The following ZBTB46 variants were observed in gnomAD, a reference collection of about 807,000 sequenced individuals.
ZBTB46 encodes zinc finger and BTB domain-containing protein 46.
In ZBTB46, 8 loss-of-function variants were observed where a neutral mutation model predicts 44.1. The observed-to-expected ratio is 0.18, with a 90% CI of 0.11 to 0.33. ZBTB46 has a LOEUF of 0.33. Ranked by LOEUF, ZBTB46 falls within the 10% of genes least tolerant of loss-of-function variation. The pLI is 1.00. For missense variants in ZBTB46, 651 were observed against 847.7 expected (o/e 0.77, Z 2.88); for synonymous variants, 409 against 382.3 (o/e 1.07, Z -0.81).
intron 1 of ZBTB46, among the ~76,000 whole-genome samples, chr20:63,824,013 A>G (rs2092807090): frequency 6.6e-6 from 1 of 152,108 alleles, no homozygotes; most frequent in African/African-American, 2.4e-5. Context: ...TGCAGAGAGG[A>G]GGCTGTAGGC....
chr20:63,779,542 C>T (rs2092452544), intron 2 of ZBTB46, among the ~76,000 whole-genome samples: 1 of 151,372 alleles, frequency 6.6e-6, no homozygotes, highest in African/African-American at 2.4e-5. Context: ...GCCTCAGCCT[C>T]CTGAGTAGCT....
At chr20:63,777,333 G>A (rs1245049362) in intron 2 of ZBTB46, among the ~76,000 whole-genome samples, 1 of 152,194 alleles carries the variant, frequency 6.6e-6, no homozygotes, top group Non-Finnish European at 1.5e-5. Context: ...TGAGTGTGGT[G>A]GGTTGTGCCT....
At position 63,743,909 on chromosome 20, in the gene ZBTB46, A is replaced by G. The variant is rs753284696; in HGVS notation, c.*3021T>C. 6.6e-5 allele frequency: 10 copies of G among 152,656 alleles called. No homozygotes were observed. Among genetic ancestry groups the G allele is most frequent in the Non-Finnish European group, 1.3e-4 (9 of 68,038 alleles). The allele number at this position is 152,656 out of a possible 1,614,324, so 9.5% of individuals were successfully genotyped here. On this transcript the variant is annotated 3_prime_UTR_variant, in exon 5 of 5. Coordinates refer to ENST00000245663, the MANE Select transcript of ZBTB46 (RefSeq NM_001369741.1). ...ATCTCCAATACAAACACAGGTTTAT[A>G]ATAAGTAATAGGAAGTCAATATAAT...
chr20:63,792,297 C>G (rs2145937394), intron 1 of ZBTB46, among the ~76,000 whole-genome samples: 1 of 152,348 alleles, frequency 6.6e-6, no homozygotes, highest in Non-Finnish European at 1.5e-5. Flanking sequence ...ACCCCATTCT[C>G]CAGCTGATAA....
chr20:63,776,753 G>A lies in ZBTB46; in HGVS notation c.938-791C>T, dbSNP rs1188442206. Among the ~76,000 whole-genome samples the A allele has an allele frequency of 4.7e-5, 7 of 148,846 alleles. No homozygotes were observed. In the South Asian group the frequency reaches 6.4e-4, roughly 14 times the overall value. ...CAGGAGGTGGAGGTTGCAATGAGCC[G>A]AGATCACACCACTGCACTCTAGCCT... On this transcript the variant is annotated intron_variant, in intron 2 of 4. Coordinates refer to ENST00000245663, the MANE Select transcript of ZBTB46 (RefSeq NM_001369741.1).
chr20:63,833,632 C>T (rs974313838), upstream of ZBTB46, among the ~76,000 whole-genome samples: 2 of 152,144 alleles, frequency 1.3e-5, no homozygotes, highest in African/African-American at 2.4e-5. Flanking sequence ...CTAGAATGAA[C>T]GGGGCGGATG....
chr20:63,822,896 C>T (rs553645311), intron 1 of ZBTB46, among the ~76,000 whole-genome samples: 6 of 124,172 alleles, frequency 4.8e-5, no homozygotes, highest in South Asian at 2.5e-4. Flanking sequence ...AGCGGTGGCA[C>T]ACACCTGTCA....
At chr20:63,758,942 A>G (rs1359253025) in intron 3 of ZBTB46, among the ~76,000 whole-genome samples, 3 of 152,216 alleles carry the variant, frequency 2.0e-5, no homozygotes, top group Non-Finnish European at 4.4e-5. Flanking sequence ...TGTGTTAGCC[A>G]GGATGGTCTC....
At chr20:63,751,858 C>A (rs912276550) in intron 4 of ZBTB46, among the ~76,000 whole-genome samples, 1 of 151,726 alleles carries the variant, frequency 6.6e-6, no homozygotes, top group Non-Finnish European at 1.5e-5. Flanking sequence ...GCCCCGCCCC[C>A]CGGTGGGTCT....
At chr20:63,760,695 G>T (rs530453049) in intron 3 of ZBTB46, among the ~76,000 whole-genome samples, 1 of 152,250 alleles carries the variant, frequency 6.6e-6, no homozygotes, top group South Asian at 2.1e-4. Flanking sequence ...CTGACCTCGT[G>T]ATCCGCCTGC....
At chr20:63,795,050 C>G (rs911162723) in intron 1 of ZBTB46, among the ~76,000 whole-genome samples, 6 of 152,188 alleles carry the variant, frequency 3.9e-5, no homozygotes, top group Non-Finnish European at 5.9e-5. Context: ...CAAGGGGCAC[C>G]CGCGGCTGCA....
chr20:63,768,955 A>T (rs1271003787), intron 3 of ZBTB46, among the ~76,000 whole-genome samples: 9 of 152,226 alleles, frequency 5.9e-5, no homozygotes, highest in African/African-American at 9.6e-5. Context: ...AGGGAAAAAA[A>T]TTGCTCAAAA....
chr20:63,792,886 A>G (rs2092572322), intron 1 of ZBTB46, among the ~76,000 whole-genome samples: 1 of 152,226 alleles, frequency 6.6e-6, no homozygotes, highest in Admixed American at 6.5e-5. Flanking sequence ...GGTAGAAAGG[A>G]GAGAGAAGCT....
At chr20:63,828,385 C>T (rs995886873) in intron 1 of ZBTB46, among the ~76,000 whole-genome samples, 1 of 152,230 alleles carries the variant, frequency 6.6e-6, no homozygotes, top group Admixed American at 6.5e-5. Flanking sequence ...AAGTCTGTGG[C>T]CTTAATAGAG....
At chr20:63,768,152 A>G (rs1439005626) in intron 3 of ZBTB46, 5 of 984,934 alleles carry the variant, frequency 5.1e-6, no homozygotes, top group Non-Finnish European at 4.8e-6. Flanking sequence ...TTCTCAATAA[A>G]GAGACACTCA....
chr20:63,806,611 ATCTT>A (rs1430618828), intron 1 of ZBTB46, among the ~76,000 whole-genome samples: 1 of 151,976 alleles, frequency 6.6e-6, no homozygotes, highest in Non-Finnish European at 1.5e-5. Context: ...ATATGATGGA[ATCTT>A]TCTCTTTTTT....
rs755261097 is a variant in ZBTB46, at chr20:63,803,553, C to T, written c.-33-12763G>A. On this transcript the variant is annotated intron_variant, in intron 1 of 4. Coordinates refer to ENST00000245663, the MANE Select transcript of ZBTB46 (RefSeq NM_001369741.1). This position sits in a 1 kb window ranked among gnomAD's most constrained non-coding sequence, Gnocchi z 4.0. ...GATGCAAAGCCATGTCTGCCGGCCCCGGGCTGCCCAGGCCCCGGGCTGCCC... is the reference window on the plus strand; with the variant it reads ...GATGCAAAGCCATGTCTGCCGGCCCTGGGCTGCCCAGGCCCCGGGCTGCCC... 2.7e-4 allele frequency: 268 copies of T among 976,784 alleles called. No homozygotes were observed. Among genetic ancestry groups the T allele is most frequent in the Non-Finnish European group, 3.1e-4 (257 of 826,198 alleles). 60.5% of individuals were successfully genotyped at this position (976,784 alleles called of 1,614,324 possible). A position where few individuals can be genotyped will look rare whatever the true frequency, so the allele number is the denominator to read the frequency against.
Position 63,816,088 on chromosome 20 carries a change from ACAGGTGCAGTGGGCG to A in ZBTB46, c.-34+14994_-34+15008del, listed in dbSNP as rs67223006. 6.9e-3 allele frequency among the ~76,000 whole-genome samples: 815 copies of A among 118,538 alleles called. 5 individuals are homozygous for A. Among genetic ancestry groups the A allele is most frequent in the Admixed American group, 0.022 (254 of 11,534 alleles). 77.8% of individuals were successfully genotyped at this position (118,538 alleles called of 152,430 possible). On this transcript the variant is annotated intron_variant, in intron 1 of 4. Coordinates refer to ENST00000245663, the MANE Select transcript of ZBTB46 (RefSeq NM_001369741.1). ...GCAGGTGCAGTGGGCACAGGTGGGCACAGGTGCAGTGGGCGCAGGTGCAGTGGGCGCAGGTGGGCG... is the reference window on the plus strand; with the variant it reads ...GCAGGTGCAGTGGGCACAGGTGGGCACAGGTGCAGTGGGCGCAGGTGGGCG...
chr20:63,753,527 G>A (rs548643968), intron 3 of ZBTB46, among the ~76,000 whole-genome samples: 3 of 152,312 alleles, frequency 2.0e-5, no homozygotes, highest in African/African-American at 7.2e-5. Flanking sequence ...CCCTCAGCAC[G>A]CCCAGTGCCG....
Sources: gnomAD v4.1 joint callset for allele counts (sites outside exome capture counted in the v4.1 genomes callset) on GRCh38, gnomAD v4.1.1 for gene constraint, Gnocchi (gnomAD v3.1) non-coding constraint, MANE v1.5 for transcripts, NCBI Gene and HGNC (gene_info 2026-07-23, HGNC 2026-07-21) for gene names.